TTLL5: variants seen among roughly 807,000 people sequenced by gnomAD.
TTLL5 encodes the protein tubulin tyrosine ligase like 5, also known as tubulin polyglutamylase TTLL5.
In TTLL5, 132 loss-of-function variants were observed where a neutral mutation model predicts 168.4. The ratio of observed to expected loss-of-function variants is 0.78; its 90% confidence interval spans 0.68 to 0.91. TTLL5 has a LOEUF of 0.91. Among genes scored for constraint, TTLL5 ranks in the 40% least tolerant of loss-of-function variants. TTLL5 has a pLI of 0.00. For missense variants in TTLL5, 1,545 were observed against 1,581.5 expected (o/e 0.98, Z 0.39); for synonymous variants, 546 against 558.6 (o/e 0.98, Z 0.32).
intron 17 of TTLL5, 91 bp from the exon 18 acceptor site, chr14:75,752,800 CCT>C: frequency 8.8e-7 from 1 of 1,140,358 alleles, no homozygotes; most frequent in Non-Finnish European, 1.3e-6. Context: ...TATAAGTACC[CCT>C]GTTATTTCTG....
intron 9 of TTLL5, chr14:75,709,295 A>T (rs772151478): frequency 1.4e-6 from 1 of 723,896 alleles, no homozygotes; most frequent in Admixed American, 2.0e-5. Flanking sequence ...ATGGTCTTTT[A>T]ATGATTTTAG....
intron 12 of TTLL5, 102 bp from the exon 13 acceptor site, chr14:75,732,236 G>T (rs1888593872): frequency 1.5e-5 from 13 of 894,666 alleles, no homozygotes; most frequent in Non-Finnish European, 1.7e-5. Context: ...TACACTCAGT[G>T]AGTTTCTAGG....
chr14:75,719,750 A>C lies in TTLL5; in HGVS notation c.858A>C (p.Glu286Asp), dbSNP rs1255902954. ...TTTGTTTTAGTTGTGACGATCCAGA[A>C]GTGGAGGATTATGGAAACAAATGGA... ...SGDYVSCDDPEVEDYGNKWSM... is the reference protein window; with the variant it reads ...SGDYVSCDDPDVEDYGNKWSM... Residue 286 changes from glutamate to aspartate, a missense_variant, in exon 11 of 32, where the codon GAA becomes GAC. Coordinates refer to ENST00000298832, the MANE Select transcript of TTLL5 (RefSeq NM_015072.5). 1 of 1,611,184 alleles carries C rather than the reference A, an allele frequency of 6.2e-7. No individual in the cohort carries two copies. Among genetic ancestry groups the C allele is most frequent in the South Asian group, 1.1e-5 (1 of 90,420 alleles).
At position 75,690,239 on chromosome 14, in the gene TTLL5, G is replaced by T; in HGVS notation, c.419G>T (p.Arg140Leu). ...GACCGACTGTACAAAAACATTATTCGAATGCAGCATACACATGGATTCAAG... is the reference window on the plus strand; with the variant it reads ...GACCGACTGTACAAAAACATTATTCTAATGCAGCATACACATGGATTCAAG... Reference protein sequence around the residue: ...RKDRLYKNIIRMQHTHGFKAF... With the variant: ...RKDRLYKNIILMQHTHGFKAF... Residue 140 changes from arginine to leucine, a missense_variant, in exon 6 of 32, where the codon CGA becomes CTA. By Grantham distance (102) the Arg-to-Leu change is moderately radical. Transcript: ENST00000298832. 6.2e-7 allele frequency: 1 copy of T among 1,612,910 alleles called. No homozygotes were observed. The highest frequency in any genetic ancestry group is 8.5e-7 in the Non-Finnish European group (1 of 1,179,522).
chr14:75,815,023 T>C (rs1396711071), intron 27 of TTLL5, among the ~76,000 whole-genome samples: 1 of 152,204 alleles, frequency 6.6e-6, no homozygotes, highest in African/African-American at 2.4e-5. Flanking sequence ...AGATCAGTGA[T>C]GGCTACTTGG....
At chr14:75,722,424 A>G (rs1002218822) in intron 12 of TTLL5, among the ~76,000 whole-genome samples, 1 of 151,676 alleles carries the variant, frequency 6.6e-6, no homozygotes, top group African/African-American at 2.4e-5. Flanking sequence ...TGTTTAAAAA[A>G]CTTTTTGTAG....
chr14:75,733,455 T>G (rs972243287), intron 13 of TTLL5, among the ~76,000 whole-genome samples: 8 of 147,292 alleles, frequency 5.4e-5, no homozygotes, highest in African/African-American at 2.0e-4. Flanking sequence ...ATAACTTGTA[T>G]TTTTTTTTTT....
intron 30 of TTLL5, among the ~76,000 whole-genome samples, chr14:75,893,817 C>CAAAAAAAAAAAAA (rs61332109): frequency 1.4e-5 from 1 of 71,618 alleles, no homozygotes; most frequent in Non-Finnish European, 2.5e-5. Context: ...GACTCCATCT[C>CAAAAAAAAAAAAA]AAAAAAAAAA....
intron 21 of TTLL5, among the ~76,000 whole-genome samples, chr14:75,772,744 T>G (rs1891421661): frequency 6.6e-6 from 1 of 151,760 alleles, no homozygotes; most frequent in East Asian, 1.9e-4. Context: ...CTCAGCTCAC[T>G]GCAACCTCCG....
At chr14:75,915,764 A>T (rs1010507034) in intron 31 of TTLL5, among the ~76,000 whole-genome samples, 6 of 152,252 alleles carry the variant, frequency 3.9e-5, no homozygotes, top group African/African-American at 7.2e-5. Context: ...ATTGCTAATC[A>T]TAAGAGAAAT....
At chr14:75,741,576 C>T (rs1159131224) in intron 15 of TTLL5, among the ~76,000 whole-genome samples, 1 of 150,836 alleles carries the variant, frequency 6.6e-6, no homozygotes, top group East Asian at 1.9e-4. Flanking sequence ...AAGTGTGTCT[C>T]CTTGACACTC....
chr14:75,865,097 A>C (rs1268184442), intron 29 of TTLL5, among the ~76,000 whole-genome samples: 1 of 152,176 alleles, frequency 6.6e-6, no homozygotes, highest in Non-Finnish European at 1.5e-5. Flanking sequence ...GAAAAATAAA[A>C]TCTCTTAATC....
At chr14:75,791,546 CTT>C (rs879851126) in intron 26 of TTLL5, among the ~76,000 whole-genome samples, 2 of 148,822 alleles carry the variant, frequency 1.3e-5, no homozygotes, top group Non-Finnish European at 3.0e-5. Flanking sequence ...TTTGATAAAA[CTT>C]TTTTTTTTAA....
chr14:75,720,595 G>A lies in TTLL5; in HGVS notation c.935-1G>A, dbSNP rs1887778670. 1.2e-6 allele frequency: 2 copies of A among 1,611,920 alleles called. No individual in the cohort carries two copies. The highest frequency in any genetic ancestry group is 1.7e-6 in the Non-Finnish European group (2 of 1,178,782). On this transcript the variant is annotated splice_acceptor_variant, in intron 11 of 31. Transcript: ENST00000298832. LOFTEE classifies it high-confidence loss of function. ...TGAAATTTAAAAATTTTTGTTTGCAGCATTGATGGCCCATGTAGAAGACCT... is the reference window on the plus strand; with the variant it reads ...TGAAATTTAAAAATTTTTGTTTGCAACATTGATGGCCCATGTAGAAGACCT...
At chr14:75,802,003 T>A (rs1465343900) in intron 27 of TTLL5, among the ~76,000 whole-genome samples, 2 of 152,170 alleles carry the variant, frequency 1.3e-5, no homozygotes, top group Admixed American at 6.5e-5. Flanking sequence ...TCACTTTAAA[T>A]GTTTTTTGTT....
At chr14:75,700,885 G>T (rs1886220412) in intron 7 of TTLL5, among the ~76,000 whole-genome samples, 1 of 152,002 alleles carries the variant, frequency 6.6e-6, no homozygotes, top group Non-Finnish European at 1.5e-5. Flanking sequence ...CAGGATTTAG[G>T]CCTGGACCAG....
intron 27 of TTLL5, among the ~76,000 whole-genome samples, chr14:75,813,262 GTGTGTGTT>G (rs1894170173): frequency 2.9e-5 from 3 of 102,896 alleles, no homozygotes; most frequent in African/African-American, 1.1e-4. Context: ...CAGGCACTGT[GTGTGTGTT>G]TGTGTGTGTG....
intron 15 of TTLL5, chr14:75,744,824 G>A (rs1183291465): frequency 8.8e-6 from 2 of 227,304 alleles, no homozygotes; most frequent in East Asian, 1.7e-4. Context: ...AGCTTAGAAA[G>A]TCACGTGGAC....
intron 26 of TTLL5, among the ~76,000 whole-genome samples, chr14:75,784,804 TTTTGTGGTTATGA>T (rs1370699776): frequency 1.3e-5 from 2 of 152,258 alleles, no homozygotes; most frequent in African/African-American, 4.8e-5. Context: ...AGTATCTCTT[TTTTGTGGTTATGA>T]TTTGCATTTC....
Sources: gnomAD v4.1 joint callset for allele counts (sites outside exome capture counted in the v4.1 genomes callset) on GRCh38, gnomAD v4.1.1 for gene constraint, MANE v1.5 for transcripts, NCBI Gene and HGNC (gene_info 2026-07-23, HGNC 2026-07-21) for gene names.